EEA1: variants seen among roughly 807,000 people sequenced by gnomAD.
EEA1 encodes the protein early endosome antigen 1, 162kD.
In EEA1, 111 loss-of-function variants were observed where a neutral mutation model predicts 209.2. The observed-to-expected ratio is 0.53, with a 90% CI of 0.45 to 0.62. The LOEUF (loss-of-function observed/expected upper bound fraction) is 0.62. Ranked by LOEUF, EEA1 falls within the 20% of genes least tolerant of loss-of-function variation. The pLI is 0.00. For synonymous variants in EEA1, 536 were observed against 540.6 expected, an observed-to-expected ratio of 0.99 and a Z score of 0.12; for missense variants, 1,343 against 1,530.8, an observed-to-expected ratio of 0.88 and a Z score of 2.05.
chr12:92,909,185 T>C (rs1481540446), intron 1 of EEA1, among the ~76,000 whole-genome samples: 1 of 152,160 alleles, frequency 6.6e-6, no homozygotes, highest in African/African-American at 2.4e-5. Context: ...GCACCCTACG[T>C]GCTTATACTA....
intron 10 of EEA1, among the ~76,000 whole-genome samples, chr12:92,836,732 T>C (rs1408814909): frequency 1.3e-5 from 2 of 152,164 alleles, no homozygotes; most frequent in South Asian, 2.1e-4. Context: ...TTATGTTTTA[T>C]ACAAAAGCCT....
At chr12:92,872,556 T>C (rs2136732465) in intron 2 of EEA1, among the ~76,000 whole-genome samples, 1 of 152,362 alleles carries the variant, frequency 6.6e-6, no homozygotes, top group African/African-American at 2.4e-5. Context: ...AAAACCATCT[T>C]CAAACAGTAT....
At chr12:92,924,163 A>T (rs1275485035) in intron 1 of EEA1, among the ~76,000 whole-genome samples, 2 of 151,754 alleles carry the variant, frequency 1.3e-5, no homozygotes, top group Non-Finnish European at 2.9e-5. Context: ...CAAAAACAAC[A>T]ACAAAACACC....
chr12:92,879,350 T>A (rs1879042671), intron 2 of EEA1: 1 of 452,042 alleles, frequency 2.2e-6, no homozygotes, highest in Non-Finnish European at 4.4e-6. Context: ...ATTTTCAGAT[T>A]AGGGATGCTC....
intron 13 of EEA1, among the ~76,000 whole-genome samples, chr12:92,822,237 T>C (rs1387013730): frequency 6.6e-6 from 1 of 152,102 alleles, no homozygotes; most frequent in Non-Finnish European, 1.5e-5. Context: ...TACAGACATG[T>C]CCAGGTCTCT....
intron 24 of EEA1, among the ~76,000 whole-genome samples, chr12:92,779,528 A>G (rs1412945421): frequency 6.6e-6 from 1 of 152,056 alleles, no homozygotes; most frequent in Non-Finnish European, 1.5e-5. Flanking sequence ...CGTTTTGATT[A>G]TGTGGAGAAA....
chr12:92,785,027 T>TAA (rs33945823), intron 22 of EEA1, among the ~76,000 whole-genome samples: 7,767 of 142,574 alleles, frequency 0.054, 558 homozygotes, highest in African/African-American at 0.16. Flanking sequence ...CATACTTTCT[T>TAA]AAAAAAAAAA....
chr12:92,832,488 A>G lies in EEA1; in HGVS notation c.1254+24T>C, dbSNP rs374937956. 3.0e-5 allele frequency: 48 copies of G among 1,573,774 alleles called. No homozygotes were observed. The African/African-American group carries it at 6.3e-4, about 21-fold the overall frequency. ...AGAAGAAACCAGAGGGAGAATTACAATAAATAAAATTAACAGCTCTTACTT... is the reference window on the plus strand; with the variant it reads ...AGAAGAAACCAGAGGGAGAATTACAGTAAATAAAATTAACAGCTCTTACTT... On this transcript the variant is annotated intron_variant, in intron 11 of 28. Coordinates refer to ENST00000322349, the MANE Select transcript of EEA1 (RefSeq NM_003566.4).
chr12:92,855,289 C>T (rs540778074), intron 5 of EEA1, among the ~76,000 whole-genome samples: 4 of 152,328 alleles, frequency 2.6e-5, no homozygotes, highest in African/African-American at 9.6e-5. Context: ...ATTAGCCGGC[C>T]TGATGGCGGA....
Position 92,901,073 on chromosome 12 carries a change from G to T in EEA1, c.25-9352C>A, listed in dbSNP as rs147295631. Among the ~76,000 whole-genome samples the T allele has an allele frequency of 3.6e-3, 550 of 152,272 alleles. 2 individuals are homozygous for T. The highest frequency in any genetic ancestry group is 0.013 in the African/African-American group (528 of 41,560). On this transcript the variant is annotated intron_variant, in intron 1 of 28. Transcript: ENST00000322349. ...ACACTACGATGGTATTAAGAACAAT[G>T]AAAGACACTGGAAACAGGAAGTTAT...
intron 18 of EEA1, among the ~76,000 whole-genome samples, chr12:92,807,919 T>A (rs1360801555): frequency 6.6e-6 from 1 of 152,034 alleles, no homozygotes; most frequent in Non-Finnish European, 1.5e-5. Flanking sequence ...TACAAGTTAA[T>A]ACAAAAATGT....
At chr12:92,927,108 AAC>A (rs1296258954) in intron 1 of EEA1, among the ~76,000 whole-genome samples, 1 of 152,222 alleles carries the variant, frequency 6.6e-6, no homozygotes, top group African/African-American at 2.4e-5. Flanking sequence ...TAATGCATTT[AAC>A]ACAGTGATTC....
chr12:92,801,666 T>A lies in EEA1; in HGVS notation c.2706A>T (p.Gln902His), dbSNP rs201520114. 64 of 1,597,754 alleles carry A rather than the reference T, an allele frequency of 4.0e-5. No individual in the cohort carries two copies. In the East Asian group the frequency reaches 8.1e-4, roughly 20 times the overall value. Residue 902 changes from glutamine to histidine, a missense_variant, in exon 20 of 29, where the codon CAA becomes CAT. Transcript: ENST00000322349. ...CCTTAAGTGTGTTTTCCATCTGCAC[T>A]TGAAGTTGATGCTTTAATTCTTTGC... ...KTCKELKHQL[Q>H]VQMENTLKEQ...
At chr12:92,816,148 C>CA in intron 15 of EEA1, 52 bp downstream of exon 15, 2 of 1,500,298 alleles carry the variant, frequency 1.3e-6, no homozygotes, top group Non-Finnish European at 1.8e-6. Flanking sequence ...GAATTTAAAA[C>CA]ATTTGACGGT....
intron 2 of EEA1, among the ~76,000 whole-genome samples, chr12:92,867,205 T>C (rs1412760704): frequency 6.6e-6 from 1 of 152,124 alleles, no homozygotes; most frequent in Admixed American, 6.5e-5. Flanking sequence ...ACTTCAACAA[T>C]ACTAAAATAC....
intron 1 of EEA1, among the ~76,000 whole-genome samples, chr12:92,918,631 C>T (rs1880866158): frequency 9.4e-6 from 1 of 106,886 alleles, no homozygotes; most frequent in Non-Finnish European, 1.9e-5. Context: ...TAAATGCCCA[C>T]AAGAGAAAGC....
At chr12:92,809,523 TAAA>T (rs57998627) in intron 17 of EEA1, among the ~76,000 whole-genome samples, 2 of 107,024 alleles carry the variant, frequency 1.9e-5, no homozygotes, top group Admixed American at 1.0e-4. Context: ...TTATCTCTAC[TAAA>T]AAAAAAAAAA....
At chr12:92,804,157 A>G (rs1229617983) in intron 18 of EEA1, among the ~76,000 whole-genome samples, 1 of 152,220 alleles carries the variant, frequency 6.6e-6, no homozygotes, top group Non-Finnish European at 1.5e-5. Context: ...CCAATAACAC[A>G]GAGTACATAT....
chr12:92,808,921 T>C, intron 18 of EEA1, 96 bp downstream of exon 18: 1 of 1,025,940 alleles, frequency 9.7e-7, no homozygotes, highest in Non-Finnish European at 1.4e-6. Flanking sequence ...AATAAGTCTT[T>C]AAGCACTACG....
Sources: gnomAD v4.1 joint callset for allele counts (sites outside exome capture counted in the v4.1 genomes callset) on GRCh38, gnomAD v4.1.1 for gene constraint, MANE v1.5 for transcripts, NCBI Gene and HGNC (gene_info 2026-07-23, HGNC 2026-07-21) for gene names.